The following PPP1R12A variants were observed in gnomAD, a reference collection of about 807,000 sequenced individuals.
PPP1R12A encodes protein phosphatase 1 regulatory subunit 12A.
Under a neutral mutation model 139.6 loss-of-function variants are expected in PPP1R12A, and 19 were observed. That is an observed-to-expected ratio of 0.14 (90% confidence interval 0.09 to 0.20). The LOEUF is 0.20. Ranked by LOEUF, PPP1R12A falls within the 10% of genes least tolerant of loss-of-function variation. PPP1R12A has a pLI of 1.00. For synonymous variants in PPP1R12A, 427 were observed against 420.6 expected (o/e 1.02, Z -0.19); for missense variants, 925 against 1,211.5 (o/e 0.76, Z 3.51).
chr12:79,791,798 A>G (rs1871906477), intron 19 of PPP1R12A, among the ~76,000 whole-genome samples: 1 of 152,198 alleles, frequency 6.6e-6, no homozygotes, highest in African/African-American at 2.4e-5. Context: ...TCTATATCCA[A>G]TGAACAACTT....
At chr12:79,832,532 AT>A in intron 3 of PPP1R12A, 41 bp from the exon 4 acceptor site, 1 of 1,536,310 alleles carries the variant, frequency 6.5e-7, no homozygotes, top group Non-Finnish European at 8.8e-7. Context: ...TTGCTTAAAA[AT>A]TGTTCCATGT....
chr12:79,817,540 G>C, intron 8 of PPP1R12A, 22 bp from the exon 9 acceptor site: 1 of 1,555,594 alleles, frequency 6.4e-7, no homozygotes, highest in Non-Finnish European at 8.7e-7. Context: ...AAACAATTAA[G>C]AGTCAAGATT....
chr12:79,803,413 C>T (rs963963411), intron 14 of PPP1R12A, among the ~76,000 whole-genome samples: 2 of 152,102 alleles, frequency 1.3e-5, no homozygotes, highest in Admixed American at 1.3e-4. Context: ...ATCACACTGA[C>T]CTACTGCATC....
At chr12:79,925,181 T>A (rs1178002816) in intron 1 of PPP1R12A, among the ~76,000 whole-genome samples, 1 of 152,186 alleles carries the variant, frequency 6.6e-6, no homozygotes, top group Non-Finnish European at 1.5e-5. Context: ...TTTATAACCA[T>A]CTAAAACAAT....
intron 5 of PPP1R12A, among the ~76,000 whole-genome samples, chr12:79,826,445 C>G (rs972714864): frequency 1.3e-5 from 2 of 148,966 alleles, no homozygotes; most frequent in Non-Finnish European, 1.5e-5. Flanking sequence ...CTCAAGCGAT[C>G]CTTCTACCTC....
intron 1 of PPP1R12A, among the ~76,000 whole-genome samples, chr12:79,883,261 T>C (rs1883812240): frequency 6.8e-6 from 1 of 147,700 alleles, no homozygotes; most frequent in Non-Finnish European, 1.5e-5. Context: ...TTAAGGTATG[T>C]ACTACAGCAT....
At chr12:79,783,661 GA>G (rs1266402254) in intron 22 of PPP1R12A, among the ~76,000 whole-genome samples, 4 of 151,834 alleles carry the variant, frequency 2.6e-5, no homozygotes, top group Non-Finnish European at 5.9e-5. Context: ...AAAAGCACCT[GA>G]AAAAAATCAA....
At position 79,872,699 on chromosome 12, in the gene PPP1R12A, C is replaced by T. The variant is rs528517274; in HGVS notation, c.368+109G>A. The stretch of plus-strand genomic sequence containing the variant: ...TTTCTTTCTTGGAAAGAATAATTTT[C>T]ATGAATTAAAGTAATATAAGAGTTC... On this transcript the variant is annotated intron_variant, in intron 2 of 24. Transcript: ENST00000450142. The T allele has an allele frequency of 4.2e-4, 495 of 1,186,882 alleles. 1 individual carries two copies. In the African/African-American group the frequency reaches 7.0e-3, roughly 17 times the overall value. The allele number at this position is 1,186,882 out of a possible 1,614,324, so 73.5% of individuals were successfully genotyped here. A position where few individuals can be genotyped will look rare whatever the true frequency, so the allele number is the denominator to read the frequency against.
intron 6 of PPP1R12A, 127 bp downstream of exon 6, chr12:79,821,988 AT>A (rs998782712): frequency 3.3e-6 from 2 of 608,398 alleles, no homozygotes; most frequent in Non-Finnish European, 5.7e-6. Flanking sequence ...TTTCACTATC[AT>A]TTAGTGAAAC....
intron 1 of PPP1R12A, among the ~76,000 whole-genome samples, chr12:79,877,940 A>C (rs1565793088): frequency 1.3e-5 from 2 of 152,186 alleles, no homozygotes; most frequent in African/African-American, 4.8e-5. Flanking sequence ...AATTATATGT[A>C]ATACAAATAT....
At chr12:79,924,484 A>C (rs1057168320) in intron 1 of PPP1R12A, among the ~76,000 whole-genome samples, 14 of 152,214 alleles carry the variant, frequency 9.2e-5, no homozygotes, top group African/African-American at 3.4e-4. Flanking sequence ...GCTAGAATGC[A>C]GTGGCGTGAT....
chr12:79,779,821 A>T (rs1350970795), intron 23 of PPP1R12A: 1 of 162,108 alleles, frequency 6.2e-6, no homozygotes, highest in African/African-American at 2.4e-5. Context: ...AGAAAACTAC[A>T]CCCAACTGCC....
intron 2 of PPP1R12A, among the ~76,000 whole-genome samples, chr12:79,859,803 G>A (rs533571072): frequency 6.6e-6 from 1 of 152,166 alleles, no homozygotes; most frequent in Non-Finnish European, 1.5e-5. Flanking sequence ...TACAGTCCTA[G>A]CTACCGCTGC....
chr12:79,783,947 A>G (rs996157904), intron 22 of PPP1R12A, among the ~76,000 whole-genome samples: 7 of 152,186 alleles, frequency 4.6e-5, no homozygotes, highest in Non-Finnish European at 1.0e-4. Context: ...GTAAGCTGGC[A>G]TATTTTTTCC....
intron 5 of PPP1R12A, among the ~76,000 whole-genome samples, chr12:79,822,494 T>C (rs1876241143): frequency 6.6e-6 from 1 of 152,190 alleles, no homozygotes; most frequent in Non-Finnish European, 1.5e-5. Flanking sequence ...TTCAGAGTTG[T>C]ACAACTATCA....
rs977267214 is a variant in PPP1R12A at position 79,778,360 on chromosome 12, T to G, written c.3006+190A>C. 6 of 372,756 alleles carry G rather than the reference T, an allele frequency of 1.6e-5. No individual in the cohort carries two copies. In the South Asian group the frequency reaches 8.0e-4, roughly 50 times the overall value. 23.1% of individuals were successfully genotyped at this position (372,756 alleles called of 1,614,324 possible). On this transcript the variant is annotated intron_variant, in intron 24 of 24. Transcript: ENST00000450142. ...CTCCTTCTTTTCATAGGTGTTAAGATTTGGGTTTTAGACCCTCTTCTGGCT... is the reference window on the plus strand; with the variant it reads ...CTCCTTCTTTTCATAGGTGTTAAGAGTTGGGTTTTAGACCCTCTTCTGGCT...
At position 79,934,686 on chromosome 12, in the gene PPP1R12A, C is replaced by T; in HGVS notation, c.237+9G>A. ...ACGGTCAGGAGAGCCGGCGGCGGGG[C>T]GCACAGACCTGGTGCAGGGCAGTGA... On this transcript the variant is annotated intron_variant, in intron 1 of 24. Coordinates refer to ENST00000450142, the MANE Select transcript of PPP1R12A (RefSeq NM_002480.3). 1 of 1,513,424 alleles carries T rather than the reference C, an allele frequency of 6.6e-7. No homozygotes were observed. The highest frequency in any genetic ancestry group is 1.2e-5 in the South Asian group (1 of 81,346). 93.7% of individuals were successfully genotyped at this position (1,513,424 alleles called of 1,614,324 possible).
Position 79,786,355 on chromosome 12 carries a change from AAAAG to A in PPP1R12A, c.2907+15_2907+18del. The stretch of plus-strand genomic sequence containing the variant: ...CACAACCATTACCTTGAGAGTAACA[AAAAG>A]AAAAGGGTACAAACCTGGGTGGCCT... On this transcript the variant is annotated intron_variant, in intron 22 of 24. Coordinates refer to ENST00000450142, the MANE Select transcript of PPP1R12A (RefSeq NM_002480.3). 6.9e-7 allele frequency: 1 copy of A among 1,448,748 alleles called. No homozygotes were observed. Among genetic ancestry groups the A allele is most frequent in the Non-Finnish European group, 9.3e-7 (1 of 1,070,144 alleles). The allele number at this position is 1,448,748 out of a possible 1,614,324, so 89.7% of individuals were successfully genotyped here.
intron 8 of PPP1R12A, chr12:79,819,196 T>G (rs1013097977): frequency 1.3e-5 from 2 of 152,218 alleles, no homozygotes; most frequent in Admixed American, 6.5e-5. Flanking sequence ...TACAATGCAA[T>G]TTGATGGTAA....
Sources: gnomAD v4.1 joint callset for allele counts (sites outside exome capture counted in the v4.1 genomes callset) on GRCh38, gnomAD v4.1.1 for gene constraint, MANE v1.5 for transcripts, NCBI Gene and HGNC (gene_info 2026-07-23, HGNC 2026-07-21) for gene names.